Variants in GLG1 observed in about 807,000 individuals in gnomAD.
The protein encoded by GLG1 is golgi glycoprotein 1, also known as Golgi apparatus protein 1.
Under a neutral mutation model 160.5 loss-of-function variants are expected in GLG1, and 38 were observed. That is an observed-to-expected ratio of 0.24 (90% CI 0.18 to 0.31). The LOEUF is 0.31. Ranked by LOEUF, GLG1 falls within the 10% of genes least tolerant of loss-of-function variation. GLG1 has a pLI of 1.00. For synonymous variants in GLG1, 644 were observed against 543.4 expected (o/e 1.19, Z -2.57); for missense variants, 1,373 against 1,505.2 (o/e 0.91, Z 1.45).
In GLG1 at chr16:74,566,314, C is replaced by T. The variant is rs914440640; in HGVS notation, c.439-34161G>A. Reference sequence around the variant, plus strand: ...GTATCTACATAAATTATTTGTGATTCTTCTCTACAGGACATTTGTCTTTTC... The same window carrying T: ...GTATCTACATAAATTATTTGTGATTTTTCTCTACAGGACATTTGTCTTTTC... On this transcript the variant is annotated intron_variant, in intron 1 of 25. Coordinates refer to ENST00000422840, the MANE Select transcript of GLG1 (RefSeq NM_001145667.2). Among the ~76,000 whole-genome samples the T allele has an allele frequency of 2.3e-4, 35 of 152,196 alleles. 1 individual carries two copies. Among genetic ancestry groups the T allele is most frequent in the African/African-American group, 8.2e-4 (34 of 41,466 alleles).
chr16:74,607,031 G>T lies in GLG1; in HGVS notation c.64C>A (p.Leu22Ile). The stretch of plus-strand genomic sequence containing the variant: ...AGTTTCTCGGCCCCGGCCGCGAATA[G>T]CAGCAGCAGATGCAGCGCCGCCGAC... ...RLSAALHLLLLFAAGAEKLPG... is the reference protein window; with the variant it reads ...RLSAALHLLLIFAAGAEKLPG... Residue 22 changes from leucine to isoleucine, a missense_variant, in exon 1 of 26, where the codon CTA (leucine) becomes ATA (isoleucine). Leu to Ile is a conservative substitution (Grantham distance 5). This residue lies in a region of GLG1 where 322 missense variants were observed against 254.6 expected (regional missense o/e 1.26). Coordinates refer to ENST00000422840, the MANE Select transcript of GLG1 (RefSeq NM_001145667.2). 1 of 1,597,748 alleles carries T rather than the reference G, an allele frequency of 6.3e-7. No individual in the cohort carries two copies. Among genetic ancestry groups the T allele is most frequent in the Admixed American group, 1.7e-5 (1 of 57,836 alleles).
At position 74,509,163 on chromosome 16, in the gene GLG1, A is replaced by ATT. The variant is rs11295055; in HGVS notation, c.472-240_472-239dup. On this transcript the variant is annotated intron_variant, in intron 2 of 25. Transcript: ENST00000422840. Reference sequence around the variant, plus strand: ...TTTTTGTCGTTTTTACTAAAGGACAATTTTTTTTTTTTTTTTTTTTTTTTT... The same window carrying ATT: ...TTTTTGTCGTTTTTACTAAAGGACAATTTTTTTTTTTTTTTTTTTTTTTTTTT... Among the ~76,000 whole-genome samples the ATT allele has an allele frequency of 2.9e-3, 257 of 89,634 alleles. 5 individuals are homozygous for ATT. The highest frequency in any genetic ancestry group is 3.8e-3 in the Non-Finnish European group (177 of 47,108). 58.8% of individuals were successfully genotyped at this position (89,634 alleles called of 152,430 possible).
chr16:74,543,673 A>C (rs2550861), intron 1 of GLG1, among the ~76,000 whole-genome samples: 1 of 152,238 alleles, frequency 6.6e-6, no homozygotes, highest in African/African-American at 2.4e-5. Context: ...AAATACTGAT[A>C]AACTAATCTA....
At chr16:74,496,321 AGCCT>A (rs991859705) in intron 5 of GLG1, 116 bp downstream of exon 5, 212 of 707,264 alleles carry the variant, frequency 3.0e-4, no homozygotes, top group Non-Finnish European at 4.4e-4. Flanking sequence ...GTTCGTGACC[AGCCT>A]GGGCAACATA....
chr16:74,509,286 T>C (rs757601712), intron 2 of GLG1, among the ~76,000 whole-genome samples: 2 of 149,702 alleles, frequency 1.3e-5, no homozygotes, highest in Non-Finnish European at 3.0e-5. Context: ...GATTCTTAAA[T>C]GACAATTTTT....
At chr16:74,595,113 G>A (rs938139472) in intron 1 of GLG1, among the ~76,000 whole-genome samples, 29 of 147,166 alleles carry the variant, frequency 2.0e-4, no homozygotes, top group East Asian at 1.0e-3. Context: ...GCATGAACCC[G>A]GGAGGCGGAG....
At chr16:74,576,846 G>A (rs1193233361) in intron 1 of GLG1, among the ~76,000 whole-genome samples, 2 of 151,874 alleles carry the variant, frequency 1.3e-5, no homozygotes, top group African/African-American at 4.8e-5. Flanking sequence ...ATACTGAATT[G>A]AGTAGCTGAA....
At chr16:74,537,786 T>G (rs2017727035) in intron 1 of GLG1, among the ~76,000 whole-genome samples, 1 of 143,666 alleles carries the variant, frequency 7.0e-6, no homozygotes, top group Non-Finnish European at 1.5e-5. Flanking sequence ...TTACTACTGT[T>G]TCACCTTAAT....
intron 18 of GLG1, among the ~76,000 whole-genome samples, chr16:74,466,220 C>T (rs2014995686): frequency 6.6e-6 from 1 of 152,184 alleles, no homozygotes; most frequent in Admixed American, 6.5e-5. Context: ...CTGAGAAAGA[C>T]TACTGGATGC....
At chr16:74,473,437 C>CTTTTTT (rs11421713) in intron 13 of GLG1, among the ~76,000 whole-genome samples, 1 of 110,986 alleles carries the variant, frequency 9.0e-6, no homozygotes, top group Admixed American at 1.1e-4. Context: ...TGGTCTTGAC[C>CTTTTTT]TTTTTTTTTT....
intron 2 of GLG1, among the ~76,000 whole-genome samples, chr16:74,511,661 A>G (rs1443882999): frequency 1.3e-5 from 2 of 151,910 alleles, no homozygotes; most frequent in Non-Finnish European, 2.9e-5. Context: ...TAGGACAAAC[A>G]GTAACAAAAG....
intron 1 of GLG1, among the ~76,000 whole-genome samples, chr16:74,593,104 T>C (rs957261472): frequency 6.6e-6 from 1 of 152,168 alleles, no homozygotes; most frequent in Non-Finnish European, 1.5e-5. Flanking sequence ...TCACCAGATA[T>C]GGCCTCTCAA....
chr16:74,531,357 T>C (rs185139141), intron 2 of GLG1, among the ~76,000 whole-genome samples: 5 of 152,228 alleles, frequency 3.3e-5, no homozygotes, highest in East Asian at 1.9e-4. Flanking sequence ...CTTGCTCTGT[T>C]GCCCAGGCTG....
rs763542690 is a variant in GLG1 at position 74,463,373 on chromosome 16, T to A, written c.2774A>T (p.Gln925Leu). ...PKCKQMITKRQITQNTDYRLN... is the reference protein window; with the variant it reads ...PKCKQMITKRLITQNTDYRLN... ...GATCTTACCTGTGTTCTGGGTGATC[T>A]GGCGCTTGGTTATCATCTGTTTGCA... Residue 925 changes from glutamine to leucine, a missense_variant, in exon 20 of 26, where the codon CAG (glutamine) becomes CTG (leucine). Physicochemically the swap from Gln to Leu is moderately radical, Grantham distance 113. This residue lies in a region of GLG1 where 491 missense variants were observed against 632.1 expected (regional missense o/e 0.78). Transcript: ENST00000422840. 33 of 1,614,056 alleles carry A rather than the reference T, an allele frequency of 2.0e-5. No individual in the cohort carries two copies. The highest frequency in any genetic ancestry group is 2.5e-5 in the Non-Finnish European group (30 of 1,180,006).
chr16:74,570,187 A>G (rs1269697166), intron 1 of GLG1, among the ~76,000 whole-genome samples: 1 of 152,174 alleles, frequency 6.6e-6, no homozygotes, highest in African/African-American at 2.4e-5. Context: ...TTTCACTTCT[A>G]CATCACCTAT....
intron 12 of GLG1, among the ~76,000 whole-genome samples, chr16:74,475,963 C>T (rs1247976066): frequency 2.6e-5 from 4 of 152,102 alleles, no homozygotes; most frequent in African/African-American, 9.7e-5. Context: ...AGGTGGATTG[C>T]CTGAGCTCAG....
chr16:74,555,908 T>C (rs1224533857), intron 1 of GLG1, among the ~76,000 whole-genome samples: 1 of 151,572 alleles, frequency 6.6e-6, no homozygotes. Flanking sequence ...GGCACGATCA[T>C]GGCTCGCTGC....
At chr16:74,568,327 A>G (rs945328773) in intron 1 of GLG1, among the ~76,000 whole-genome samples, 17 of 152,188 alleles carry the variant, frequency 1.1e-4, no homozygotes, top group African/African-American at 1.9e-4. Context: ...TAAAAGAATC[A>G]TAACTCCTAA....
chr16:74,462,828 G>A (rs2014854985), intron 20 of GLG1, 198 bp from the exon 21 acceptor site: 3 of 591,276 alleles, frequency 5.1e-6, no homozygotes, highest in Non-Finnish European at 8.9e-6. Context: ...AGTACTTCTG[G>A]AGGTCCTCAG....
Sources: allele counts gnomAD v4.1 joint callset (sites outside exome capture counted in the v4.1 genomes callset), GRCh38; gene constraint gnomAD v4.1.1; regional missense constraint gnomAD v4.1.1; transcripts MANE v1.5; gene names NCBI Gene and HGNC (gene_info 2026-07-23, HGNC 2026-07-21).